The following AEBP2 variants were observed in gnomAD, a reference collection of about 807,000 sequenced individuals.
AEBP2 encodes the protein AE binding protein 2.
A neutral mutation model predicts 50.8 loss-of-function variants in AEBP2; 10 were observed. That is an observed-to-expected ratio of 0.20 (90% CI 0.12 to 0.33). The LOEUF (loss-of-function observed/expected upper bound fraction) is 0.33, where lower values mean the gene tolerates loss of function less well. Ranked by LOEUF, AEBP2 falls within the 10% of genes least tolerant of loss-of-function variation. The probability of loss-of-function intolerance (pLI) is 1.00; values close to 1 mark genes in which losing one functional copy is unlikely to be tolerated. For missense variants in AEBP2, 570 were observed against 688.0 expected, an observed-to-expected ratio of 0.83 and a Z score of 1.92; for synonymous variants, 296 against 261.3, an observed-to-expected ratio of 1.13 and a Z score of -1.28.
intron 1 of AEBP2, among the ~76,000 whole-genome samples, chr12:19,442,671 A>C (rs1947982884): frequency 6.6e-6 from 1 of 152,214 alleles, no homozygotes; most frequent in Non-Finnish European, 1.5e-5. Context: ...TTAATTTTAG[A>C]GACTACAGAA....
intron 2 of AEBP2, among the ~76,000 whole-genome samples, chr12:19,464,953 A>G (rs150138934): frequency 0.012 from 1,805 of 152,266 alleles, 41 homozygotes; most frequent in African/African-American, 0.041. Flanking sequence ...CCTGTACCTT[A>G]TTGATATTAT....
chr12:19,428,019 T>A (rs1366276969), intron 1 of AEBP2, among the ~76,000 whole-genome samples: 2 of 151,986 alleles, frequency 1.3e-5, no homozygotes, highest in Admixed American at 6.6e-5. Context: ...GGTGGATCGC[T>A]TGAGCTCAGG....
intron 1 of AEBP2, chr12:19,413,215 C>T (rs1473711355): frequency 6.2e-6 from 5 of 800,472 alleles, no homozygotes; most frequent in Non-Finnish European, 1.1e-5. Flanking sequence ...GAAACAGTAT[C>T]TTAACCCAAG....
At chr12:19,460,440 C>A (rs1029434062) in intron 1 of AEBP2, among the ~76,000 whole-genome samples, 1 of 152,048 alleles carries the variant, frequency 6.6e-6, no homozygotes, top group African/African-American at 2.4e-5. Flanking sequence ...CTGCAACCTC[C>A]TCCTCCCAGG....
intron 1 of AEBP2, among the ~76,000 whole-genome samples, chr12:19,415,027 A>G (rs1336156032): frequency 7.9e-5 from 12 of 151,404 alleles, no homozygotes; most frequent in African/African-American, 2.9e-4. Context: ...TTCTATCTAT[A>G]TGGATATGGG....
intron 1 of AEBP2, among the ~76,000 whole-genome samples, chr12:19,453,860 G>A (rs1297883052): frequency 6.6e-6 from 1 of 151,610 alleles, no homozygotes; most frequent in Non-Finnish European, 1.5e-5. Context: ...GTGGAGGCGG[G>A]ATCACAGCTC....
chr12:19,499,949 C>CT, intron 4 of AEBP2, 148 bp from the exon 5 acceptor site: 2 of 782,374 alleles, frequency 2.6e-6, no homozygotes, highest in African/African-American at 1.8e-5. Flanking sequence ...TATTAGTCTT[C>CT]TTATCTAGAG....
chr12:19,451,938 C>T (rs540829271), intron 1 of AEBP2, among the ~76,000 whole-genome samples: 3 of 152,172 alleles, frequency 2.0e-5, no homozygotes, highest in African/African-American at 7.2e-5. Flanking sequence ...GTCACCCAGA[C>T]GGGAGTGCAG....
intron 1 of AEBP2, among the ~76,000 whole-genome samples, chr12:19,447,982 C>T (rs1343043298): frequency 1.3e-5 from 2 of 152,106 alleles, no homozygotes; most frequent in African/African-American, 4.8e-5. Flanking sequence ...GGAATATTGC[C>T]GTGTGTGGCT....
intron 3 of AEBP2, among the ~76,000 whole-genome samples, chr12:19,481,307 TGGCCA>T (rs2153374548): frequency 6.6e-6 from 1 of 151,922 alleles, no homozygotes; most frequent in South Asian, 2.1e-4. Context: ...TTCATCATGT[TGGCCA>T]GGCTCGTCTT....
intron 1 of AEBP2, among the ~76,000 whole-genome samples, chr12:19,413,617 TAGAC>T (rs1209391574): frequency 2.0e-5 from 3 of 152,218 alleles, no homozygotes; most frequent in Non-Finnish European, 4.4e-5. Context: ...GGCTATTCCA[TAGAC>T]AGAGCAGCCC....
chr12:19,492,351 G>GCTAC, intron 3 of AEBP2, among the ~76,000 whole-genome samples: 1 of 152,088 alleles, frequency 6.6e-6, no homozygotes, highest in African/African-American at 2.4e-5. Context: ...TAATTCTGGT[G>GCTAC]CTACCTGAAC....
chr12:19,503,164 G>A (rs949421276), intron 5 of AEBP2, among the ~76,000 whole-genome samples: 1 of 152,128 alleles, frequency 6.6e-6, no homozygotes, highest in Non-Finnish European at 1.5e-5. Context: ...CATTGAATCT[G>A]TAAATTCCTT....
At chr12:19,432,782 C>T (rs1383674727) in intron 1 of AEBP2, among the ~76,000 whole-genome samples, 2 of 152,008 alleles carry the variant, frequency 1.3e-5, no homozygotes, top group Non-Finnish European at 2.9e-5. Flanking sequence ...AGGAAGGGGT[C>T]CTGGGAGAGG....
At chr12:19,477,584 A>G (rs955926301) in intron 3 of AEBP2, among the ~76,000 whole-genome samples, 2 of 152,154 alleles carry the variant, frequency 1.3e-5, no homozygotes, top group Non-Finnish European at 2.9e-5. Context: ...GATACATCAC[A>G]TTTACTGACT....
intron 1 of AEBP2, among the ~76,000 whole-genome samples, chr12:19,461,489 G>A (rs117014536): frequency 0.021 from 3,236 of 152,088 alleles, 42 homozygotes; most frequent in East Asian, 0.043. Context: ...AGGCTGGAGT[G>A]CAATGGCGTG....
intron 1 of AEBP2, among the ~76,000 whole-genome samples, chr12:19,460,626 A>G (rs1948358042): frequency 6.7e-6 from 1 of 149,768 alleles, no homozygotes; most frequent in Non-Finnish European, 1.5e-5. Context: ...TGCTGGGATT[A>G]TAGGCGTGAG....
At chr12:19,451,686 AT>A (rs34094890) in intron 1 of AEBP2, among the ~76,000 whole-genome samples, 10,450 of 146,786 alleles carry the variant, frequency 0.071, 515 homozygotes, top group Admixed American at 0.17. Flanking sequence ...CCATCTTTTA[AT>A]TTTTTTTTTT....
chr12:19,514,102 C>T (rs1270570580), intron 6 of AEBP2, among the ~76,000 whole-genome samples: 2 of 151,718 alleles, frequency 1.3e-5, no homozygotes, highest in African/African-American at 4.8e-5. Context: ...TGGGTTCAAG[C>T]GATTCTTGTG....
Sources: gnomAD v4.1 joint callset for allele counts (sites outside exome capture counted in the v4.1 genomes callset) on GRCh38, gnomAD v4.1.1 for gene constraint, MANE v1.5 for transcripts, NCBI Gene and HGNC (gene_info 2026-07-23, HGNC 2026-07-21) for gene names.